The following PRKG1 variants were observed in gnomAD, a reference collection of about 807,000 sequenced individuals.
PRKG1 encodes the protein cGMP-dependent protein kinase 1.
PRKG1 carries 35 observed loss-of-function variants against 88.1 expected under a neutral mutation model. The observed-to-expected ratio is 0.40, with a 90% CI of 0.30 to 0.53. The LOEUF is 0.53. Among genes scored for constraint, PRKG1 ranks in the 20% least tolerant of loss-of-function variants. The pLI is 0.59. For missense variants in PRKG1, 540 were observed against 839.8 expected (o/e 0.64, Z 4.41); for synonymous variants, 303 against 292.5 (o/e 1.04, Z -0.37).
chr10:52,096,766 T>C (rs887830574), intron 7 of PRKG1, among the ~76,000 whole-genome samples: 1 of 152,142 alleles, frequency 6.6e-6, no homozygotes, highest in African/African-American at 2.4e-5. Context: ...TGTTTTAAAA[T>C]TGAGTCATTT....
rs1293187506 is a variant in PRKG1, at chr10:51,450,855, A to G, written c.479-16868A>G. On this transcript the variant is annotated intron_variant, in intron 2 of 17. Transcript: ENST00000373980. ...CACCTTGTCTTAACAAAAATTAAAA[A>G]AAAAAAAAGATGCCCCTCATTGTGG... Among the ~76,000 whole-genome samples the G allele has an allele frequency of 2.6e-5, 4 of 151,898 alleles. No homozygotes were observed. The East Asian group carries it at 7.7e-4, about 29-fold the overall frequency.
intron 9 of PRKG1, among the ~76,000 whole-genome samples, chr10:52,166,208 TA>T (rs1448772188): frequency 7.0e-6 from 1 of 142,546 alleles, no homozygotes; most frequent in African/African-American, 2.7e-5. Context: ...TTTCTATTGA[TA>T]ATATGTATTC....
intron 4 of PRKG1, among the ~76,000 whole-genome samples, chr10:51,858,726 G>A (rs1466630048): frequency 2.6e-5 from 4 of 151,660 alleles, no homozygotes; most frequent in Admixed American, 6.6e-5. Flanking sequence ...AGATGGTGAA[G>A]GAGGTACCTT....
At chr10:51,949,791 G>A (rs1843141627) in intron 5 of PRKG1, among the ~76,000 whole-genome samples, 1 of 152,146 alleles carries the variant, frequency 6.6e-6, no homozygotes, top group South Asian at 2.1e-4. Flanking sequence ...TACATGAATA[G>A]CCTCATTTTA....
At chr10:50,994,810 C>T (rs1241884156) in intron 1 of PRKG1, among the ~76,000 whole-genome samples, 2 of 40,468 alleles carry the variant, frequency 4.9e-5, no homozygotes, top group African/African-American at 3.4e-4. Flanking sequence ...CAAAACTATT[C>T]AGGAAAAAAA....
chr10:51,682,653 C>T (rs1356866647), intron 3 of PRKG1, among the ~76,000 whole-genome samples: 1 of 152,148 alleles, frequency 6.6e-6, no homozygotes, highest in Non-Finnish European at 1.5e-5. Flanking sequence ...AAGCATGGTA[C>T]AAGTGCTTTA....
chr10:52,182,914 C>A (rs1030891358), intron 9 of PRKG1, among the ~76,000 whole-genome samples: 1 of 152,112 alleles, frequency 6.6e-6, no homozygotes, highest in Non-Finnish European at 1.5e-5. Flanking sequence ...GGCACTAGCA[C>A]CTGCTTAGCT....
chr10:51,721,913 G>A (rs1363869567), intron 3 of PRKG1, among the ~76,000 whole-genome samples: 2 of 152,150 alleles, frequency 1.3e-5, no homozygotes, highest in African/African-American at 4.8e-5. Flanking sequence ...CTTCTTCAGG[G>A]AAGGATTCAT....
intron 2 of PRKG1, among the ~76,000 whole-genome samples, chr10:51,289,213 T>C (rs916198415): frequency 2.6e-5 from 4 of 152,210 alleles, no homozygotes; most frequent in Non-Finnish European, 5.9e-5. Flanking sequence ...TTGCTCCTTC[T>C]GGTTGTTCAT....
At chr10:51,727,285 A>ATATAT (rs147217250) in intron 3 of PRKG1, among the ~76,000 whole-genome samples, 18 of 140,334 alleles carry the variant, frequency 1.3e-4, no homozygotes, top group African/African-American at 4.5e-4. Flanking sequence ...AAAAAAAAAA[A>ATATAT]ATATATATAT....
chr10:51,182,751 A>C (rs1178508324), intron 2 of PRKG1, among the ~76,000 whole-genome samples: 1 of 152,202 alleles, frequency 6.6e-6, no homozygotes, highest in Non-Finnish European at 1.5e-5. Flanking sequence ...TCTAGAGTCT[A>C]TAAGGTCTGA....
At chr10:51,571,432 A>G (rs1385338660) in intron 3 of PRKG1, among the ~76,000 whole-genome samples, 1 of 151,822 alleles carries the variant, frequency 6.6e-6, no homozygotes, top group Non-Finnish European at 1.5e-5. Flanking sequence ...ATGAGATGCC[A>G]TTGGTGAAAG....
chr10:51,145,057 A>G (rs534480216), intron 1 of PRKG1, among the ~76,000 whole-genome samples: 1 of 152,352 alleles, frequency 6.6e-6, no homozygotes, highest in African/African-American at 2.4e-5. Flanking sequence ...TGATTTCTTT[A>G]ATGATCAATT....
intron 1 of PRKG1, among the ~76,000 whole-genome samples, chr10:51,004,625 C>G (rs1029179208): frequency 3.3e-5 from 5 of 151,996 alleles, no homozygotes; most frequent in Non-Finnish European, 5.9e-5. Context: ...ACTTGAGTTA[C>G]ATTCATGAGA....
chr10:52,180,576 G>A (rs1407285475), intron 9 of PRKG1, among the ~76,000 whole-genome samples: 1 of 152,142 alleles, frequency 6.6e-6, no homozygotes, highest in Non-Finnish European at 1.5e-5. Context: ...TTGGTTTATA[G>A]GAGTGTGTTG....
At chr10:52,023,532 A>G (rs1192157903) in intron 5 of PRKG1, among the ~76,000 whole-genome samples, 1 of 152,220 alleles carries the variant, frequency 6.6e-6, no homozygotes, top group Non-Finnish European at 1.5e-5. Flanking sequence ...AGTCCCACCA[A>G]CAGTGTAAAA....
intron 3 of PRKG1, among the ~76,000 whole-genome samples, chr10:51,543,573 T>C (rs1327441014): frequency 6.6e-6 from 1 of 152,216 alleles, no homozygotes; most frequent in Non-Finnish European, 1.5e-5. Context: ...GTTTTGCAGA[T>C]GGCAGCAAAG....
intron 1 of PRKG1, among the ~76,000 whole-genome samples, chr10:51,025,294 C>T (rs370567149): frequency 1.3e-3 from 200 of 152,262 alleles, no homozygotes; most frequent in African/African-American, 3.9e-3. Flanking sequence ...TGAGAAAGCG[C>T]GGTATGTGTG....
intron 9 of PRKG1, among the ~76,000 whole-genome samples, chr10:52,243,997 A>C (rs1840935125): frequency 1.3e-5 from 2 of 152,130 alleles, no homozygotes; most frequent in South Asian, 4.1e-4. Context: ...CGTTATCTCA[A>C]ATTCCCTGAA....
Sources: allele counts gnomAD v4.1 joint callset (sites outside exome capture counted in the v4.1 genomes callset), GRCh38; gene constraint gnomAD v4.1.1; transcripts MANE v1.5; gene names NCBI Gene and HGNC (gene_info 2026-07-23, HGNC 2026-07-21).